Variants in CRADD observed in about 807,000 individuals in gnomAD.
The protein encoded by CRADD is CARD and death domain containing adaptor protein.
A neutral mutation model predicts 15.5 loss-of-function variants in CRADD; 9 were observed. That is an observed-to-expected ratio of 0.58 (90% CI 0.35 to 1.01). The LOEUF is 1.01. Among genes scored for constraint, CRADD ranks in the 50% least tolerant of loss-of-function variants. CRADD has a pLI of 0.02. For missense variants in CRADD, 227 were observed against 250.3 expected, an observed-to-expected ratio of 0.91 and a Z score of 0.63; for synonymous variants, 118 against 107.6, an observed-to-expected ratio of 1.10 and a Z score of -0.60.
intron 2 of CRADD, among the ~76,000 whole-genome samples, chr12:93,744,780 A>C (rs1365346226): frequency 6.6e-6 from 1 of 152,252 alleles, no homozygotes; most frequent in African/African-American, 2.4e-5. Context: ...TTTAATAAAA[A>C]CAATAAACAT....
At chr12:93,861,873 G>A (rs555107538) in intron 2 of CRADD, among the ~76,000 whole-genome samples, 7 of 152,014 alleles carry the variant, frequency 4.6e-5, no homozygotes, top group Non-Finnish European at 7.4e-5. Context: ...GCTGTGTCCC[G>A]ACCCAAATCT....
At chr12:93,855,292 A>G (rs1958263626), downstream of CRADD, among the ~76,000 whole-genome samples, 1 of 152,156 alleles carries the variant, frequency 6.6e-6, no homozygotes, top group Non-Finnish European at 1.5e-5. Flanking sequence ...ATCTGTCTTC[A>G]TCCCTTTCTC....
chr12:93,807,923 C>A (rs1203026417), intron 2 of CRADD, among the ~76,000 whole-genome samples: 1 of 108,204 alleles, frequency 9.2e-6, no homozygotes, highest in Non-Finnish European at 1.7e-5. Context: ...GTCTGACAGG[C>A]AATAAGCATT....
chr12:93,814,953 A>T (rs556995022), intron 2 of CRADD, among the ~76,000 whole-genome samples: 1 of 152,186 alleles, frequency 6.6e-6, no homozygotes, highest in Non-Finnish European at 1.5e-5. Flanking sequence ...TTTGAAAGAG[A>T]TTCTCTGCAG....
chr12:93,702,623 G>T (rs964019271), intron 2 of CRADD, among the ~76,000 whole-genome samples: 2 of 151,020 alleles, frequency 1.3e-5, no homozygotes, highest in Non-Finnish European at 2.9e-5. Context: ...AATTTCTCTT[G>T]TAAGACGGAA....
intron 2 of CRADD, among the ~76,000 whole-genome samples, chr12:93,722,583 C>A (rs1956283712): frequency 1.3e-5 from 2 of 152,090 alleles, no homozygotes; most frequent in Admixed American, 1.3e-4. Flanking sequence ...TTCTTAAGCT[C>A]AGATATTCTC....
At chr12:93,777,760 G>T (rs1289486819) in intron 2 of CRADD, among the ~76,000 whole-genome samples, 1 of 152,190 alleles carries the variant, frequency 6.6e-6, no homozygotes, top group Non-Finnish European at 1.5e-5. Flanking sequence ...TACTCGGAAA[G>T]TTAAAGGGAA....
intron 2 of CRADD, among the ~76,000 whole-genome samples, chr12:93,803,452 G>GA (rs1209915518): frequency 2.0e-5 from 3 of 151,938 alleles, no homozygotes; most frequent in South Asian, 4.2e-4. Flanking sequence ...TTGTGAGCAA[G>GA]AAAAAAAATA....
In CRADD at chr12:93,886,764, G is replaced by A. The variant is rs80215424; in HGVS notation, c.299-7286G>A. 6.8e-3 allele frequency among the ~76,000 whole-genome samples: 1,038 copies of A among 152,244 alleles called. 14 individuals carry two copies. Among genetic ancestry groups the A allele is most frequent in the East Asian group, 0.066 (344 of 5,176 alleles). On this transcript the variant is annotated intron_variant, in intron 2 of 2. Transcript: ENST00000548483. Reference sequence around the variant, plus strand: ...AGCTTTCGCAGCATGGGTGAGTGTGGCCATCGAGACTGTCTGGCAACTGCC... The same window carrying A: ...AGCTTTCGCAGCATGGGTGAGTGTGACCATCGAGACTGTCTGGCAACTGCC...
intron 2 of CRADD, chr12:93,738,597 C>G: frequency 1.6e-6 from 1 of 607,450 alleles, no homozygotes; most frequent in Non-Finnish European, 2.9e-6. Context: ...CTGCACCACA[C>G]GCCAGCCCTT....
At chr12:93,683,858 T>C (rs949875928) in intron 2 of CRADD, among the ~76,000 whole-genome samples, 1 of 152,250 alleles carries the variant, frequency 6.6e-6, no homozygotes, top group Non-Finnish European at 1.5e-5. Flanking sequence ...TACCACGTAA[T>C]TGACCTTGCT....
At position 93,748,358 on chromosome 12, in the gene CRADD, C is replaced by T. The variant is rs545417691; in HGVS notation, c.298+69286C>T. 2.3e-4 allele frequency among the ~76,000 whole-genome samples: 35 copies of T among 152,204 alleles called. 1 individual carries two copies. Among genetic ancestry groups the T allele is most frequent in the South Asian group, 1.2e-3 (6 of 4,818 alleles). Reference sequence around the variant, plus strand: ...TTCACTCTTGTTGCCCAGGCTGGAGCGCAATGGTGCAATCTCAGCTCACGG... The same window carrying T: ...TTCACTCTTGTTGCCCAGGCTGGAGTGCAATGGTGCAATCTCAGCTCACGG... On this transcript the variant is annotated intron_variant, in intron 2 of 2. Transcript: ENST00000332896.
At chr12:93,760,899 A>G (rs147639012) in intron 2 of CRADD, among the ~76,000 whole-genome samples, 62 of 152,112 alleles carry the variant, frequency 4.1e-4, no homozygotes, top group African/African-American at 1.5e-3. Context: ...GAAGTGAGTG[A>G]CATTTGAGCC....
intron 2 of CRADD, among the ~76,000 whole-genome samples, chr12:93,706,373 A>G (rs1454464738): frequency 6.6e-6 from 1 of 152,232 alleles, no homozygotes; most frequent in Admixed American, 6.5e-5. Flanking sequence ...GATTAGACAT[A>G]GTTCAAGATA....
intron 2 of CRADD, among the ~76,000 whole-genome samples, chr12:93,717,432 A>C (rs1263416011): frequency 6.6e-6 from 1 of 152,218 alleles, no homozygotes; most frequent in Non-Finnish European, 1.5e-5. Flanking sequence ...GTTATACCTA[A>C]AAAGTCATCA....
chr12:93,867,698 G>C (rs574830257), intron 2 of CRADD, among the ~76,000 whole-genome samples: 1 of 152,218 alleles, frequency 6.6e-6, no homozygotes, highest in South Asian at 2.1e-4. Context: ...AAGGAATGAG[G>C]TAAATTGCGA....
chr12:93,814,601 C>A (rs1357580618), intron 2 of CRADD, among the ~76,000 whole-genome samples: 3 of 152,206 alleles, frequency 2.0e-5, no homozygotes, highest in Non-Finnish European at 4.4e-5. Context: ...GCTGCTGTGA[C>A]GTCCTACAAA....
intron 2 of CRADD, among the ~76,000 whole-genome samples, chr12:93,856,711 A>G (rs1314116790): frequency 6.6e-6 from 1 of 152,226 alleles, no homozygotes; most frequent in Non-Finnish European, 1.5e-5. Flanking sequence ...CAAATATCCT[A>G]TACATCAAGA....
intron 2 of CRADD, among the ~76,000 whole-genome samples, chr12:93,892,720 T>C (rs1460684840): frequency 3.3e-5 from 5 of 152,072 alleles, no homozygotes; most frequent in Non-Finnish European, 7.4e-5. Flanking sequence ...TAATGAAGCC[T>C]TGTTTCTGGA....
Sources: allele counts gnomAD v4.1 joint callset (sites outside exome capture counted in the v4.1 genomes callset), GRCh38; gene constraint gnomAD v4.1.1; transcripts MANE v1.5; gene names NCBI Gene and HGNC (gene_info 2026-07-23, HGNC 2026-07-21).